The following FAM120AOS variants were observed in gnomAD, a reference collection of about 807,000 sequenced individuals.
The protein encoded by FAM120AOS is uncharacterized protein FAM120AOS.
Under a neutral mutation model 20.2 loss-of-function variants are expected in FAM120AOS, and 15 were observed. That is an observed-to-expected ratio of 0.74 (90% CI 0.50 to 1.15). The LOEUF (loss-of-function observed/expected upper bound fraction) is 1.15, where lower values mean the gene tolerates loss of function less well. Ranked by LOEUF, FAM120AOS falls within the 50% of genes most tolerant of loss-of-function variation. The pLI is 0.00. For missense variants in FAM120AOS, 327 were observed against 351.9 expected (o/e 0.93, Z 0.57); for synonymous variants, 154 against 154.0 (o/e 1.00, Z 0.00).
Position 93,452,966 on chromosome 9 carries a change from T to C in FAM120AOS, c.-257A>G, listed in dbSNP as rs1020547983. 9 of 1,361,088 alleles carry C rather than the reference T, an allele frequency of 6.6e-6. No individual in the cohort carries two copies. The African/African-American group carries it at 1.3e-4, about 20-fold the overall frequency. 84.3% of individuals were successfully genotyped at this position (1,361,088 alleles called of 1,614,324 possible). On this transcript the variant is annotated 5_prime_UTR_variant, in exon 1 of 3. Coordinates refer to ENST00000375412, the MANE Select transcript of FAM120AOS (RefSeq NM_198841.4). The surrounding 1 kb of genome is among the most constrained non-coding windows in gnomAD (Gnocchi z 7.0). ...CCCTGGCCTCTACTTCAGAACGCAG[T>C]GCCCTGTCCGTGTTCCTCTTAGTAC... is the stretch of plus-strand genomic sequence containing the variant.
Position 93,453,163 on chromosome 9 carries a change from G to A in FAM120AOS, c.-454C>T. The A allele has an allele frequency of 1.0e-6, 1 of 1,002,078 alleles. No homozygotes were observed. Among genetic ancestry groups the A allele is most frequent in the African/African-American group, 1.7e-5 (1 of 57,484 alleles). The allele number at this position is 1,002,078 out of a possible 1,614,324, so 62.1% of individuals were successfully genotyped here. ...GAAAGGAGTCGCTCAAAATCAGGGGGCGAACTACGCGGGCGTGAACTCGCA... is the reference window on the plus strand; with the variant it reads ...GAAAGGAGTCGCTCAAAATCAGGGGACGAACTACGCGGGCGTGAACTCGCA... On this transcript the variant is annotated 5_prime_UTR_variant, in exon 1 of 3. Transcript: ENST00000375412.
chr9:93,447,602 C>A lies in FAM120AOS; in HGVS notation c.*9G>T. ...TTTCAATGCCTCTGCAGAACTTGAC[C>A]CTAGTTTTTCAAATTGGACTCAAGA... is the stretch of plus-strand genomic sequence containing the variant. On this transcript the variant is annotated 3_prime_UTR_variant, in exon 3 of 3. Coordinates refer to ENST00000375412, the MANE Select transcript of FAM120AOS (RefSeq NM_198841.4). 6.2e-7 allele frequency: 1 copy of A among 1,612,756 alleles called. No homozygotes were observed. Among genetic ancestry groups the A allele is most frequent in the East Asian group, 2.2e-5 (1 of 44,872 alleles).
At chr9:93,450,886 C>A in intron 1 of FAM120AOS, 1 of 971,002 alleles carries the variant, frequency 1.0e-6, no homozygotes, top group African/African-American at 1.6e-5. Flanking sequence ...TGCAAAGGCG[C>A]ACGTTTCAGT....
Position 93,452,305 on chromosome 9 carries a change from C to A in FAM120AOS, c.405G>T (p.Val135=). The A allele has an allele frequency of 6.2e-7, 1 of 1,612,868 alleles. No homozygotes were observed. The highest frequency in any genetic ancestry group is 1.1e-5 in the South Asian group (1 of 91,066). The change falls in exon 1 of 3, where the codon GTG becomes GTT. Residue 135 remains valine, a synonymous_variant. Coordinates refer to ENST00000375412, the MANE Select transcript of FAM120AOS (RefSeq NM_198841.4). The surrounding 1 kb of genome is among the most constrained non-coding windows in gnomAD (Gnocchi z 7.0). Reference sequence around the variant, plus strand: ...TCGTCAGCCATGTCCAGAACAAGGGCACCCCGCCGCCAAAGGTCTGGTTCC... The same window carrying A: ...TCGTCAGCCATGTCCAGAACAAGGGAACCCCGCCGCCAAAGGTCTGGTTCC... ...GGRNQTFGGG[V]PLFWTWLTIC... is the part of the protein sequence containing the mutation.
rs1041696522 is a variant in FAM120AOS at position 93,451,496 on chromosome 9, C to T, written c.563+651G>A. ...TGCCTGCTCCGGCTCAGAAGCCTCCCGGATCCCGTCCCGGCCCAACTCCGG... is the reference window on the plus strand; with the variant it reads ...TGCCTGCTCCGGCTCAGAAGCCTCCTGGATCCCGTCCCGGCCCAACTCCGG... On this transcript the variant is annotated intron_variant, in intron 1 of 2. Transcript: ENST00000375412. 5.8e-6 allele frequency: 6 copies of T among 1,029,856 alleles called. No homozygotes were observed. The African/African-American group carries it at 6.8e-5, about 12-fold the overall frequency. The allele number at this position is 1,029,856 out of a possible 1,614,324, so 63.8% of individuals were successfully genotyped here.
rs895077474 is a variant in FAM120AOS at position 93,444,866 on chromosome 9, G to A, written c.*2745C>T. ...CGACCTCAGGTGATCCACCCGCCTC[G>A]GCCTCCCAAAGTGCTGGGATTACAG... On this transcript the variant is annotated 3_prime_UTR_variant, in exon 3 of 3. Coordinates refer to ENST00000375412, the MANE Select transcript of FAM120AOS (RefSeq NM_198841.4). 2.0e-5 allele frequency among the ~76,000 whole-genome samples: 3 copies of A among 152,148 alleles called. No homozygotes were observed. The highest frequency in any genetic ancestry group is 1.9e-4 in the East Asian group (1 of 5,172).
In FAM120AOS at chr9:93,452,022, G is replaced by A; in HGVS notation, c.563+125C>T. The A allele has an allele frequency of 1.9e-6, 3 of 1,560,052 alleles. No individual in the cohort carries two copies. Among genetic ancestry groups the A allele is most frequent in the Non-Finnish European group, 2.6e-6 (3 of 1,153,330 alleles). On this transcript the variant is annotated intron_variant, in intron 1 of 2. Coordinates refer to ENST00000375412, the MANE Select transcript of FAM120AOS (RefSeq NM_198841.4). The surrounding 1 kb of genome is among the most constrained non-coding windows in gnomAD (Gnocchi z 7.0). The stretch of plus-strand genomic sequence containing the variant: ...CGGGGCAGCCTGGTGGGCGGCGGGC[G>A]GCAGCGGCCCCCGCAGACCCCGCTG...
intron 1 of FAM120AOS, chr9:93,451,483 C>T (rs1588754026): frequency 1.9e-6 from 2 of 1,061,136 alleles, no homozygotes; most frequent in South Asian, 7.7e-5. Flanking sequence ...CCTGCTCCGG[C>T]TCAGAAGCCT....
In FAM120AOS at chr9:93,452,464, T is replaced by C; in HGVS notation, c.246A>G (p.Thr82=). Residue 82 remains threonine, a synonymous_variant, in exon 1 of 3, where the codon ACA becomes ACG. Coordinates refer to ENST00000375412, the MANE Select transcript of FAM120AOS (RefSeq NM_198841.4). This position sits in a 1 kb window ranked among gnomAD's most constrained non-coding sequence, Gnocchi z 7.0. ...CTATCCCCCTTCCCAGGGCGCAGAA[T>C]GTCGCCCGGCCGTGGCGGCGCTGGG... is the stretch of plus-strand genomic sequence containing the variant. ...RCPQRRHGRA[T]FCALGRGIGV... is the part of the protein sequence containing the mutation. The C allele has an allele frequency of 6.5e-7, 1 of 1,548,458 alleles. No homozygotes were observed. Among genetic ancestry groups the C allele is most frequent in the Non-Finnish European group, 8.7e-7 (1 of 1,150,306 alleles).
rs766224553 is a variant in FAM120AOS at position 93,450,524 on chromosome 9, G to C, written c.639C>G (p.His213Gln). The C allele has an allele frequency of 6.2e-7, 1 of 1,602,894 alleles. No individual in the cohort carries two copies. The highest frequency in any genetic ancestry group is 2.2e-5 in the East Asian group (1 of 44,714). The change falls in exon 2 of 3, where the codon CAC becomes CAG. Residue 213 changes from histidine (H) to glutamine (Q), a missense_variant. Coordinates refer to ENST00000375412, the MANE Select transcript of FAM120AOS (RefSeq NM_198841.4). ...GGGCTTCTTTGGCCAAACCGTGCGC[G>C]TGCAGGCTCCATGTGCTGGGCAGCA... is the stretch of plus-strand genomic sequence containing the variant. ...GQLLPSTWSL[H>Q]AHGLAKEAPI... is the part of the protein sequence containing the mutation.
rs1857263643 is a variant in FAM120AOS at position 93,452,141 on chromosome 9, G to C, written c.563+6C>G. The stretch of plus-strand genomic sequence containing the variant: ...CGGCGGCCAGTGGAACCACATGCTT[G>C]GCTACCTGGCGGCGCTGGCCAAGGC... On this transcript the variant is annotated splice_donor_region_variant and intron_variant, in intron 1 of 2. Coordinates refer to ENST00000375412, the MANE Select transcript of FAM120AOS (RefSeq NM_198841.4). This position sits in a 1 kb window ranked among gnomAD's most constrained non-coding sequence, Gnocchi z 7.0. 1 of 1,611,784 alleles carries C rather than the reference G, an allele frequency of 6.2e-7. No homozygotes were observed. The highest frequency in any genetic ancestry group is 1.3e-5 in the African/African-American group (1 of 75,058).
rs1366299024 is a variant in FAM120AOS, at chr9:93,451,432, C to A, written c.563+715G>T. 4.8e-6 allele frequency: 6 copies of A among 1,263,120 alleles called. No individual in the cohort carries two copies. The East Asian group carries it at 1.1e-4, about 23-fold the overall frequency. 78.2% of individuals were successfully genotyped at this position (1,263,120 alleles called of 1,614,324 possible). On this transcript the variant is annotated intron_variant, in intron 1 of 2. Coordinates refer to ENST00000375412, the MANE Select transcript of FAM120AOS (RefSeq NM_198841.4). ...GCAGGGGAGGGGAGCGGCGGCCGAC[C>A]GGCCTGAGGCGGGCGAACGGCCTCT...
At chr9:93,450,724 C>G (rs755085145) in intron 1 of FAM120AOS, 125 bp from the exon 2 acceptor site, 1 of 1,429,606 alleles carries the variant, frequency 7.0e-7, no homozygotes, top group South Asian at 1.2e-5. Flanking sequence ...ATGTTTTATG[C>G]AAGCCTAATA....
intron 2 of FAM120AOS, among the ~76,000 whole-genome samples, chr9:93,449,986 A>G (rs1857036490): frequency 6.7e-6 from 1 of 150,122 alleles, no homozygotes; most frequent in Non-Finnish European, 1.5e-5. Context: ...TATTTCTTTT[A>G]TTTATTTATT....
chr9:93,452,647 A>G lies in FAM120AOS; in HGVS notation c.63T>C (p.Ala21=). 2.5e-6 allele frequency: 4 copies of G among 1,598,982 alleles called. No homozygotes were observed. The highest frequency in any genetic ancestry group is 3.4e-6 in the Non-Finnish European group (4 of 1,179,874). ...DTVASEFWSG[A]LSQPSSVPTR... Reference sequence around the variant, plus strand: ...TGGGGACACTTGAGGGCTGGGAGAGAGCCCCGGACCAGAATTCGGAGGCGA... The same window carrying G: ...TGGGGACACTTGAGGGCTGGGAGAGGGCCCCGGACCAGAATTCGGAGGCGA... The change falls in exon 1 of 3, where the codon GCT becomes GCC. Residue 21 remains alanine (A), a synonymous_variant. Transcript: ENST00000375412. The surrounding 1 kb of genome is among the most constrained non-coding windows in gnomAD (Gnocchi z 7.0).
chr9:93,449,716 G>C (rs961465439), intron 2 of FAM120AOS, among the ~76,000 whole-genome samples: 82 of 152,168 alleles, frequency 5.4e-4, no homozygotes, highest in African/African-American at 2.0e-3. Flanking sequence ...TCCATCTCTT[G>C]ACCTCGTGAT....
At chr9:93,451,060 G>A in intron 1 of FAM120AOS, 1 of 1,550,616 alleles carries the variant, frequency 6.4e-7, no homozygotes. Context: ...AACCACAACC[G>A]AGAGCCCGAA....
rs1856805555 is a variant in FAM120AOS, at chr9:93,445,187, A to T, written c.*2424T>A. Among the ~76,000 whole-genome samples, 1 of 151,766 alleles carries T rather than the reference A, an allele frequency of 6.6e-6. No individual in the cohort carries two copies. Among genetic ancestry groups the T allele is most frequent in the Non-Finnish European group, 1.5e-5 (1 of 67,926 alleles). Reference sequence around the variant, plus strand: ...CAGTAAGTCTTACCAAACATGTAAGACATGTTATTTGGGGATATTCAGCAT... The same window carrying T: ...CAGTAAGTCTTACCAAACATGTAAGTCATGTTATTTGGGGATATTCAGCAT... On this transcript the variant is annotated 3_prime_UTR_variant, in exon 3 of 3. Coordinates refer to ENST00000375412, the MANE Select transcript of FAM120AOS (RefSeq NM_198841.4).
At position 93,452,839 on chromosome 9, in the gene FAM120AOS, G is replaced by T. The variant is rs1185649842; in HGVS notation, c.-130C>A. The T allele has an allele frequency of 3.9e-6, 6 of 1,524,700 alleles. No individual in the cohort carries two copies. In the East Asian group the frequency reaches 7.0e-5, roughly 18 times the overall value. The allele number at this position is 1,524,700 out of a possible 1,614,324, so 94.4% of individuals were successfully genotyped here. On this transcript the variant is annotated 5_prime_UTR_variant, in exon 1 of 3. Transcript: ENST00000375412. This position sits in a 1 kb window ranked among gnomAD's most constrained non-coding sequence, Gnocchi z 7.0. ...GGCAGGATACAGAGTAATAGAGGGG[G>T]TTTCGCCAGAGCCCTTGGGGGCTGC...
Sources: allele counts gnomAD v4.1 joint callset (sites outside exome capture counted in the v4.1 genomes callset), GRCh38; gene constraint gnomAD v4.1.1; non-coding constraint Gnocchi (gnomAD v3.1); transcripts MANE v1.5; gene names NCBI Gene and HGNC (gene_info 2026-07-23, HGNC 2026-07-21).